The following SLC13A3 variants were observed in gnomAD, a reference collection of about 807,000 sequenced individuals.
The protein encoded by SLC13A3 is Na(+)/dicarboxylate cotransporter 3.
A neutral mutation model predicts 59.0 loss-of-function variants in SLC13A3; 40 were observed. That is an observed-to-expected ratio of 0.68 (90% CI 0.53 to 0.88). SLC13A3 has a LOEUF of 0.88. Ranked by LOEUF, SLC13A3 falls within the 40% of genes least tolerant of loss-of-function variation. The pLI, the probability that SLC13A3 is intolerant of heterozygous loss-of-function variation, is 0.00. For synonymous variants in SLC13A3, 317 were observed against 330.3 expected (o/e 0.96, Z 0.44); for missense variants, 699 against 783.2 (o/e 0.89, Z 1.28).
chr20:46,592,533 G>T lies in SLC13A3; in HGVS notation c.795-4C>A, dbSNP rs745555517. ...CACGTCACACTGCGGAAAGAAACTG[G>T]AGAACAGCGGGAGATGAGAACAGGC... On this transcript the variant is annotated splice_polypyrimidine_tract_variant and splice_region_variant and intron_variant, in intron 5 of 12. Transcript: ENST00000279027. 1.9e-6 allele frequency: 3 copies of T among 1,613,222 alleles called. No homozygotes were observed. Among genetic ancestry groups the T allele is most frequent in the African/African-American group, 2.7e-5 (2 of 74,904 alleles).
In SLC13A3 at chr20:46,622,621, C is replaced by CGT. The variant is rs11469544; in HGVS notation, c.112-8898_112-8897dup. Among the ~76,000 whole-genome samples the CGT allele has an allele frequency of 5.6e-3, 745 of 134,140 alleles. 8 individuals carry two copies. Among genetic ancestry groups the CGT allele is most frequent in the East Asian group, 0.03 (111 of 3,674 alleles). The allele number at this position is 134,140 out of a possible 152,430, so 88.0% of individuals were successfully genotyped here. Reference sequence around the variant, plus strand: ...AACAGGAATTGGTGTGTGGTGTGTGCGTGTGTGTGTGTGTGTGTGTGTGTG... The same window carrying CGT: ...AACAGGAATTGGTGTGTGGTGTGTGCGTGTGTGTGTGTGTGTGTGTGTGTGTG... On this transcript the variant is annotated intron_variant, in intron 1 of 12. Coordinates refer to ENST00000279027, the MANE Select transcript of SLC13A3 (RefSeq NM_022829.6).
At chr20:46,683,926 C>T (rs1277301408) in intron 1 of SLC13A3, among the ~76,000 whole-genome samples, 2 of 152,186 alleles carry the variant, frequency 1.3e-5, no homozygotes, top group Non-Finnish European at 2.9e-5. Context: ...TCCACTCTTG[C>T]CCTCTATGGT....
At chr20:46,584,160 A>T in intron 8 of SLC13A3, 1 of 985,372 alleles carries the variant, frequency 1.0e-6, no homozygotes, top group Non-Finnish European at 1.2e-6. Context: ...TCACGTTTCA[A>T]GCATCCACAA....
At chr20:46,641,671 G>A (rs1399035025) in intron 1 of SLC13A3, among the ~76,000 whole-genome samples, 1 of 152,156 alleles carries the variant, frequency 6.6e-6, no homozygotes, top group Non-Finnish European at 1.5e-5. Flanking sequence ...CCAAAAGAAG[G>A]CACATGAGGC....
intron 3 of SLC13A3, among the ~76,000 whole-genome samples, chr20:46,608,414 G>A (rs2062457029): frequency 6.6e-6 from 1 of 152,174 alleles, no homozygotes. Flanking sequence ...AAAGCCTGCA[G>A]TATTTACTAT....
intron 10 of SLC13A3, among the ~76,000 whole-genome samples, chr20:46,575,267 G>A (rs895221285): frequency 8.5e-5 from 13 of 152,162 alleles, no homozygotes; most frequent in South Asian, 2.1e-4. Context: ...TTGGGTGAGC[G>A]CAATATGTTG....
intron 2 of SLC13A3, among the ~76,000 whole-genome samples, 162 bp downstream of exon 2, chr20:46,613,298 G>GAA (rs2062519165): frequency 4.3e-5 from 1 of 23,200 alleles, no homozygotes; most frequent in Non-Finnish European, 7.9e-5. Context: ...CTAAATAGTA[G>GAA]AGAAATAAAT....
intron 1 of SLC13A3, among the ~76,000 whole-genome samples, chr20:46,628,826 A>C (rs566598100): frequency 1.1e-4 from 17 of 152,376 alleles, no homozygotes; most frequent in African/African-American, 3.8e-4. Flanking sequence ...CAGATATGGA[A>C]CATCTCCATC....
chr20:46,671,926 G>A (rs2063094857), upstream of SLC13A3, among the ~76,000 whole-genome samples: 1 of 152,240 alleles, frequency 6.6e-6, no homozygotes, highest in Admixed American at 6.5e-5. Flanking sequence ...AGCTGCACAT[G>A]TCTATGACTC....
chr20:46,587,370 C>T (rs1248772271), intron 8 of SLC13A3, among the ~76,000 whole-genome samples: 5 of 151,120 alleles, frequency 3.3e-5, no homozygotes, highest in Admixed American at 1.3e-4. Flanking sequence ...AGAAAAAAAA[C>T]AAACCAAAAT....
At chr20:46,586,491 C>G (rs2062193335) in intron 8 of SLC13A3, among the ~76,000 whole-genome samples, 1 of 152,144 alleles carries the variant, frequency 6.6e-6, no homozygotes, top group African/African-American at 2.4e-5. Flanking sequence ...GATTTAACTC[C>G]CAAATTTATA....
intron 1 of SLC13A3, among the ~76,000 whole-genome samples, chr20:46,643,198 G>T (rs114120459): frequency 6.6e-6 from 1 of 152,086 alleles, no homozygotes; most frequent in African/African-American, 2.4e-5. Flanking sequence ...TGGGTGGGAA[G>T]GGGGGAAGGG....
intron 1 of SLC13A3, among the ~76,000 whole-genome samples, chr20:46,657,753 G>A (rs946601076): frequency 2.0e-5 from 3 of 152,170 alleles, no homozygotes. Context: ...TTCTGGGGAG[G>A]CCTTGGGGAG....
intron 1 of SLC13A3, among the ~76,000 whole-genome samples, chr20:46,633,050 G>A (rs970948569): frequency 1.3e-5 from 2 of 151,870 alleles, no homozygotes; most frequent in African/African-American, 4.8e-5. Flanking sequence ...ACTGGCAGCT[G>A]TTATTTTGTT....
At chr20:46,612,121 TTGC>T (rs1367323018) in intron 2 of SLC13A3, among the ~76,000 whole-genome samples, 2,034 of 138,106 alleles carry the variant, frequency 0.015, 122 homozygotes, top group African/African-American at 0.058. Context: ...CTCTCTCTCT[TTGC>T]TTTTTTTTTT....
intron 1 of SLC13A3, among the ~76,000 whole-genome samples, chr20:46,616,075 G>T (rs1217883748): frequency 6.6e-6 from 1 of 152,112 alleles, no homozygotes; most frequent in Non-Finnish European, 1.5e-5. Flanking sequence ...AAAGCAAAAA[G>T]AATAATACAG....
At chr20:46,606,577 G>A (rs563159705) in intron 3 of SLC13A3, among the ~76,000 whole-genome samples, 5 of 152,262 alleles carry the variant, frequency 3.3e-5, no homozygotes, top group South Asian at 2.1e-4. Context: ...GGTGGCTCAC[G>A]CCTGTAAGCC....
chr20:46,566,223 C>G lies in SLC13A3; in HGVS notation c.1494+6G>C. 1 of 1,612,408 alleles carries G rather than the reference C, an allele frequency of 6.2e-7. No individual in the cohort carries two copies. The highest frequency in any genetic ancestry group is 1.1e-5 in the South Asian group (1 of 91,024). On this transcript the variant is annotated splice_donor_region_variant and intron_variant, in intron 11 of 12. Transcript: ENST00000279027. ...GTGCTCCCCTCTTCCCCAGAAGGAC[C>G]CTCACCAGCTCTGCCAGGACCGGCA... is the stretch of plus-strand genomic sequence containing the variant.
chr20:46,681,319 G>C (rs2063152668), intron 1 of SLC13A3, among the ~76,000 whole-genome samples: 1 of 152,160 alleles, frequency 6.6e-6, no homozygotes, highest in Non-Finnish European at 1.5e-5. Flanking sequence ...CTCAGCTAAG[G>C]TGGCGTTGAG....
Sources: allele counts gnomAD v4.1 joint callset (sites outside exome capture counted in the v4.1 genomes callset), GRCh38; gene constraint gnomAD v4.1.1; transcripts MANE v1.5; gene names NCBI Gene and HGNC (gene_info 2026-07-23, HGNC 2026-07-21).